REV3L: variants seen among roughly 807,000 people sequenced by gnomAD.
REV3L encodes the protein DNA polymerase zeta catalytic subunit.
In REV3L, 69 loss-of-function variants were observed where a neutral mutation model predicts 299.4. The ratio of observed to expected loss-of-function variants is 0.23; its 90% CI spans 0.19 to 0.28. The LOEUF (loss-of-function observed/expected upper bound fraction) is 0.28, where lower values mean the gene tolerates loss of function less well. Among genes scored for constraint, REV3L ranks in the 10% least tolerant of loss-of-function variants. The pLI, the probability that REV3L is intolerant of heterozygous loss-of-function variation, is 1.00. For missense variants in REV3L, 3,128 were observed against 3,693.8 expected, an observed-to-expected ratio of 0.85 and a Z score of 3.97; for synonymous variants, 1,238 against 1,271.4, an observed-to-expected ratio of 0.97 and a Z score of 0.56.
At chr6:111,427,424 T>C (rs887111276) in intron 1 of REV3L, among the ~76,000 whole-genome samples, 1 of 152,224 alleles carries the variant, frequency 6.6e-6, no homozygotes, top group African/African-American at 2.4e-5. Flanking sequence ...CAGAGACTTC[T>C]GGTTGTAAAA....
At chr6:111,388,467 A>C (rs1342776845) in intron 7 of REV3L, among the ~76,000 whole-genome samples, 2 of 152,196 alleles carry the variant, frequency 1.3e-5, no homozygotes, top group African/African-American at 4.8e-5. Context: ...AGATATAATA[A>C]TTTTAATTGA....
chr6:111,333,293 T>C lies in REV3L; in HGVS notation c.7755A>G (p.Gln2585=), dbSNP rs770408877. The change falls in exon 23 of 32, where the codon CAA becomes CAG. Residue 2585 remains glutamine (Q), a synonymous_variant. Transcript: ENST00000368802. ...NYIPVTPSVQ[Q]RSQMRAPQCV... is the part of the protein sequence containing the mutation. Reference sequence around the variant, plus strand: ...ACTGTGGGGCTCTCATCTGGGATCTTTGCTGAACACTAGGTGTCACAGGAA... The same window carrying C: ...ACTGTGGGGCTCTCATCTGGGATCTCTGCTGAACACTAGGTGTCACAGGAA... 6 of 1,613,978 alleles carry C rather than the reference T, an allele frequency of 3.7e-6. No homozygotes were observed. The highest frequency in any genetic ancestry group is 2.2e-5 in the South Asian group (2 of 91,086).
chr6:111,307,016 G>A (rs1169531093), intron 31 of REV3L, among the ~76,000 whole-genome samples: 1 of 130,362 alleles, frequency 7.7e-6, no homozygotes. Flanking sequence ...TGAGAGTCAC[G>A]TTGGTGCTCA....
Position 111,422,607 on chromosome 6 carries a change from TATATACACATATATATATATATACAC to T in REV3L, c.140-6161_140-6136del, listed in dbSNP as rs1562286914. ...ATATATATATATACACATATATATATATATACACATATATATATATATACACATATATATATATATACATATATATA... is the reference window on the plus strand; with the variant it reads ...ATATATATATATACACATATATATATATATATATATATATACATATATATA... On this transcript the variant is annotated intron_variant, in intron 1 of 31. Transcript: ENST00000368802. Among the ~76,000 whole-genome samples the T allele has an allele frequency of 3.9e-4, 7 of 17,882 alleles. 1 individual carries two copies. The highest frequency in any genetic ancestry group is 6.3e-4 in the Non-Finnish European group (5 of 7,922). 11.7% of individuals were successfully genotyped at this position (17,882 alleles called of 152,430 possible).
At chr6:111,349,996 A>G (rs192177607) in intron 19 of REV3L, among the ~76,000 whole-genome samples, 46 of 152,354 alleles carry the variant, frequency 3.0e-4, no homozygotes, top group Admixed American at 2.7e-3. Flanking sequence ...CGTCTCTCCT[A>G]TGTAACACTA....
intron 1 of REV3L, among the ~76,000 whole-genome samples, chr6:111,468,959 G>A (rs566194076): frequency 6.6e-6 from 1 of 152,130 alleles, no homozygotes; most frequent in East Asian, 1.9e-4. Context: ...TCAGGAGTTT[G>A]AAACCAGCCT....
chr6:111,305,115 A>G (rs1772126700), intron 31 of REV3L, among the ~76,000 whole-genome samples: 1 of 150,900 alleles, frequency 6.6e-6, no homozygotes, highest in South Asian at 2.1e-4. Flanking sequence ...CTAATTTTGT[A>G]TTTTTAGTAG....
rs1583169441 is a variant in REV3L, at chr6:111,483,202, CATG to C, written c.-317_-315del. 3 of 479,430 alleles carry C rather than the reference CATG, an allele frequency of 6.3e-6. No homozygotes were observed. Among genetic ancestry groups the C allele is most frequent in the East Asian group, 3.5e-5 (1 of 28,320 alleles). The allele number at this position is 479,430 out of a possible 1,614,324, so 29.7% of individuals were successfully genotyped here. On this transcript the variant is annotated 5_prime_UTR_variant, in exon 1 of 32. In the 5' UTR this introduces an upstream ATG that the reference lacks. Coordinates refer to ENST00000368802, the MANE Select transcript of REV3L (RefSeq NM_001372078.1). ...GGTCCCAGGCTGCAGCTCTTGTTGCCATGATGATGATGTCACGGACGCAACCAC... is the reference window on the plus strand; with the variant it reads ...GGTCCCAGGCTGCAGCTCTTGTTGCCATGATGATGTCACGGACGCAACCAC...
intron 2 of REV3L, chr6:111,412,219 T>G: frequency 1.0e-6 from 1 of 985,144 alleles, no homozygotes; most frequent in Non-Finnish European, 1.2e-6. Context: ...GACAGGAACT[T>G]AAGAGACTGA....
chr6:111,385,925 T>A (rs1421258633), intron 9 of REV3L, among the ~76,000 whole-genome samples: 1 of 152,196 alleles, frequency 6.6e-6, no homozygotes, highest in Non-Finnish European at 1.5e-5. Context: ...AGCAGCAAAT[T>A]TTTTACATCT....
At chr6:111,314,128 C>T (rs1441041183) in intron 27 of REV3L, among the ~76,000 whole-genome samples, 3 of 152,156 alleles carry the variant, frequency 2.0e-5, no homozygotes, top group Admixed American at 6.5e-5. Flanking sequence ...TATGCTTCTT[C>T]GTATTCCACA....
chr6:111,388,720 C>G (rs923982776), intron 7 of REV3L, among the ~76,000 whole-genome samples: 2 of 152,118 alleles, frequency 1.3e-5, no homozygotes, highest in African/African-American at 2.4e-5. Flanking sequence ...ATTTCAATGG[C>G]TACATTTTCA....
chr6:111,480,568 ATGAAAAG>A (rs766357351), intron 1 of REV3L, among the ~76,000 whole-genome samples: 1 of 152,118 alleles, frequency 6.6e-6, no homozygotes, highest in African/African-American at 2.4e-5. Flanking sequence ...GGCTTGGTTT[ATGAAAAG>A]TGTAAACTCT....
At chr6:111,481,182 T>C (rs1266084782) in intron 1 of REV3L, among the ~76,000 whole-genome samples, 1 of 152,200 alleles carries the variant, frequency 6.6e-6, no homozygotes, top group Admixed American at 6.5e-5. Flanking sequence ...CCTATTAGCA[T>C]GTCACTTTAT....
At chr6:111,317,326 A>C (rs1224692291) in intron 26 of REV3L, among the ~76,000 whole-genome samples, 1 of 152,242 alleles carries the variant, frequency 6.6e-6, no homozygotes, top group Non-Finnish European at 1.5e-5. Context: ...AGTCTTTAAA[A>C]TAAATATTGT....
rs557781296 is a variant in REV3L, at chr6:111,445,494, A to T, written c.140-29022T>A. Among the ~76,000 whole-genome samples the T allele has an allele frequency of 3.9e-5, 6 of 152,324 alleles. No homozygotes were observed. The East Asian group carries it at 5.8e-4, about 15-fold the overall frequency. ...AACCTTATAAAGAAAACCATTTTTT[A>T]AATATTTTCTGGTTATTCTAAATAA... On this transcript the variant is annotated intron_variant, in intron 1 of 31. Transcript: ENST00000368802.
chr6:111,454,119 T>TAA (rs1789887369), intron 1 of REV3L, among the ~76,000 whole-genome samples: 1 of 151,352 alleles, frequency 6.6e-6, no homozygotes, highest in African/African-American at 2.4e-5. Context: ...TTTTTTTTTT[T>TAA]AATAATAGAG....
intron 1 of REV3L, among the ~76,000 whole-genome samples, chr6:111,476,859 C>T (rs752622468): frequency 2.0e-5 from 3 of 152,104 alleles, no homozygotes. Context: ...GAGACCATTA[C>T]GAATCTCATG....
intron 1 of REV3L, among the ~76,000 whole-genome samples, chr6:111,442,631 AG>A (rs1182651660): frequency 6.6e-6 from 1 of 152,164 alleles, no homozygotes; most frequent in East Asian, 1.9e-4. Context: ...ATAAGGTTTG[AG>A]GTTATGTTTT....
Sources: gnomAD v4.1 joint callset for allele counts (sites outside exome capture counted in the v4.1 genomes callset) on GRCh38, gnomAD v4.1.1 for gene constraint, MANE v1.5 for transcripts, NCBI Gene and HGNC (gene_info 2026-07-23, HGNC 2026-07-21) for gene names.